The following GOLGA2 variants were observed in gnomAD, a reference collection of about 807,000 sequenced individuals.
GOLGA2 encodes the protein golgin A2, also known as golgin subfamily A member 2.
GOLGA2 carries 49 observed loss-of-function variants against 148.8 expected under a neutral mutation model. The observed-to-expected ratio is 0.33, with a 90% CI of 0.26 to 0.42. The LOEUF is 0.42. Ranked by LOEUF, GOLGA2 falls within the 10% of genes least tolerant of loss-of-function variation. GOLGA2 has a pLI of 1.00. For synonymous variants in GOLGA2, 501 were observed against 511.8 expected, an observed-to-expected ratio of 0.98 and a Z score of 0.28; for missense variants, 1,178 against 1,304.6, an observed-to-expected ratio of 0.90 and a Z score of 1.49.
intron 12 of GOLGA2, among the ~76,000 whole-genome samples, chr9:128,263,828 C>T (rs964106076): frequency 4.0e-5 from 6 of 151,842 alleles, no homozygotes; most frequent in African/African-American, 1.5e-4. Flanking sequence ...GTTGGGATTA[C>T]GGCACCCGGC....
Position 128,258,553 on chromosome 9 carries a change from C to T in GOLGA2, c.2191G>A (p.Glu731Lys), listed in dbSNP as rs530742610. 1.3e-6 allele frequency: 2 copies of T among 1,570,332 alleles called. No individual in the cohort carries two copies. The highest frequency in any genetic ancestry group is 2.3e-5 in the South Asian group (2 of 85,578). The change falls in exon 22 of 27, where the codon GAG becomes AAG. Residue 731 changes from glutamate to lysine, a missense_variant. Around this residue, in one of 5 missense-constraint regions of GOLGA2, gnomAD observed 529 missense variants for 521.8 expected, o/e 1.01. Coordinates refer to ENST00000611957, the MANE Select transcript of GOLGA2 (RefSeq NM_001366244.2). The surrounding 1 kb of genome is among the most constrained non-coding windows in gnomAD (Gnocchi z 6.6). ...HPGEGDGLDR[E>K]EEEDEEEEEE... ...TCCTCCTCCTCATCCTCCTCCTCCT[C>T]CCGGTCCAGTCCATCTCCTATGGGG...
Position 128,271,595 on chromosome 9 carries a change from C to T in GOLGA2, c.288+1190G>A, listed in dbSNP as rs527815088. Among the ~76,000 whole-genome samples the T allele has an allele frequency of 5.3e-5, 8 of 152,222 alleles. No individual in the cohort carries two copies. The highest frequency in any genetic ancestry group is 7.4e-5 in the Non-Finnish European group (5 of 68,006). On this transcript the variant is annotated intron_variant, in intron 3 of 26. Transcript: ENST00000611957. The surrounding 1 kb of genome is among the most constrained non-coding windows in gnomAD (Gnocchi z 4.4). ...GTTCACACTCTGGCCACGGCCTCAC[C>T]GCTCCCCCTGCCTCCCCCACTCCCC...
chr9:128,269,788 G>C (rs1830822074), intron 3 of GOLGA2, among the ~76,000 whole-genome samples: 1 of 152,216 alleles, frequency 6.6e-6, no homozygotes, highest in South Asian at 2.1e-4. Flanking sequence ...TCCAGGGAAA[G>C]GACTGCGCGC....
In GOLGA2 at chr9:128,257,411, C is replaced by A. The variant is rs1426560889; in HGVS notation, c.2833G>T (p.Ala945Ser). 1.6e-5 allele frequency: 25 copies of A among 1,612,894 alleles called. No homozygotes were observed. Among genetic ancestry groups the A allele is most frequent in the Non-Finnish European group, 2.1e-5 (25 of 1,179,998 alleles). ...QNPADEPTSG[A>S]PAPQELGAAN... ...GCCCCAAGTTCCTGGGGGGCTGGGG[C>A]CCCTGAAGTGGGCTCATCAGCAGGG... is the stretch of plus-strand genomic sequence containing the variant. Residue 945 changes from alanine (A) to serine (S), a missense_variant, in exon 26 of 27, where the codon GCC (alanine) becomes TCC (serine). Ala to Ser is a moderately conservative substitution (Grantham distance 99). Transcript: ENST00000611957. This position sits in a 1 kb window ranked among gnomAD's most constrained non-coding sequence, Gnocchi z 8.0.
chr9:128,269,867 G>A (rs1041037287), intron 3 of GOLGA2, among the ~76,000 whole-genome samples: 1 of 152,230 alleles, frequency 6.6e-6, no homozygotes, highest in Admixed American at 6.5e-5. Context: ...AAGTGCTGCA[G>A]AGGCTGGTGG....
At chr9:128,270,830 G>C (rs1564368872) in intron 3 of GOLGA2, among the ~76,000 whole-genome samples, 1 of 152,148 alleles carries the variant, frequency 6.6e-6, no homozygotes, top group African/African-American at 2.4e-5. Context: ...TGAATCACTT[G>C]AGGCCAGGAG....
In GOLGA2 at chr9:128,257,618, C is replaced by T. The variant is rs1330432521; in HGVS notation, c.2701G>A (p.Asp901Asn). The change falls in exon 25 of 27, where the codon GAC (aspartate) becomes AAC (asparagine). Residue 901 changes from aspartate (D) to asparagine (N), a missense_variant. Physicochemically the swap from Asp to Asn is conservative, Grantham distance 23. Coordinates refer to ENST00000611957, the MANE Select transcript of GOLGA2 (RefSeq NM_001366244.2). This position sits in a 1 kb window ranked among gnomAD's most constrained non-coding sequence, Gnocchi z 8.0. ...CACCCTACCTTCATCTCCTCCTTGT[C>T]TTGGGCCAGCCTGCTGATGTACTCC... ...KEEYISRLAQ[D>N]KEEMKVKLLE... 1 of 1,614,198 alleles carries T rather than the reference C, an allele frequency of 6.2e-7. No individual in the cohort carries two copies. The highest frequency in any genetic ancestry group is 2.2e-5 in the East Asian group (1 of 44,874).
chr9:128,270,917 G>A (rs1588491493), intron 3 of GOLGA2, among the ~76,000 whole-genome samples: 2 of 151,956 alleles, frequency 1.3e-5, no homozygotes, highest in African/African-American at 4.8e-5. Context: ...GCGTGATGGT[G>A]CAACATCTGT....
chr9:128,263,886 G>C lies in GOLGA2; in HGVS notation c.934-794C>G, dbSNP rs557798478. On this transcript the variant is annotated intron_variant, in intron 12 of 26. Transcript: ENST00000611957. ...AACTTGGTAAGGGTGGCCGGGTGCGGTGGCTCACGCCTGTAATCCTGGCAC... is the reference window on the plus strand; with the variant it reads ...AACTTGGTAAGGGTGGCCGGGTGCGCTGGCTCACGCCTGTAATCCTGGCAC... Among the ~76,000 whole-genome samples the C allele has an allele frequency of 2.1e-4, 32 of 151,342 alleles. No individual in the cohort carries two copies. In the South Asian group the frequency reaches 2.9e-3, roughly 14 times the overall value.
chr9:128,275,202 G>A (rs1338676591), intron 1 of GOLGA2, among the ~76,000 whole-genome samples: 2 of 152,166 alleles, frequency 1.3e-5, no homozygotes, highest in African/African-American at 4.8e-5. Context: ...TCCCTCCTAG[G>A]TCCCATAGTC....
Position 128,257,276 on chromosome 9 carries a change from A to T in GOLGA2, c.2881T>A (p.Cys961Ser), listed in dbSNP as rs190456038. The T allele has an allele frequency of 1.7e-5, 27 of 1,612,950 alleles. No individual in the cohort carries two copies. The highest frequency in any genetic ancestry group is 2.1e-5 in the Non-Finnish European group (25 of 1,179,738). ...ACACTGCCGGCGAGGCTCACCTCGC[A>T]AAGATCTTTGGAGAGAGAGAGGCAG... The part of the protein sequence containing the change: ...LGAANQQGDL[C>S]EVSLAGSVEP... The change falls in exon 27 of 27, where the codon TGC becomes AGC. Residue 961 changes from cysteine (C) to serine (S), a missense_variant. By Grantham distance (112) the Cys-to-Ser change is moderately radical. Transcript: ENST00000611957. The surrounding 1 kb of genome is among the most constrained non-coding windows in gnomAD (Gnocchi z 8.0).
intron 12 of GOLGA2, among the ~76,000 whole-genome samples, chr9:128,264,620 G>A (rs1375742844): frequency 6.6e-6 from 1 of 151,894 alleles, no homozygotes; most frequent in Non-Finnish European, 1.5e-5. Flanking sequence ...TAGACACAGG[G>A]TTTTGCTATG....
rs1003207027 is a variant in GOLGA2, at chr9:128,261,276, A to C, written c.1333-17T>G. 6.3e-7 allele frequency: 1 copy of C among 1,598,546 alleles called. No individual in the cohort carries two copies. Among genetic ancestry groups the C allele is most frequent in the African/African-American group, 1.3e-5 (1 of 74,450 alleles). On this transcript the variant is annotated splice_polypyrimidine_tract_variant and intron_variant, in intron 16 of 26. Transcript: ENST00000611957. The surrounding 1 kb of genome is among the most constrained non-coding windows in gnomAD (Gnocchi z 5.7). ...TGTGTGCACCTGCCCAAAGCACAGC[A>C]AGAAAGGGCCCTGGAGAGGGGCTGG...
At position 128,257,825 on chromosome 9, in the gene GOLGA2, C is replaced by G; in HGVS notation, c.2576G>C (p.Arg859Pro). The change falls in exon 24 of 27, where the codon CGC (arginine) becomes CCC (proline). Residue 859 changes from arginine to proline, a missense_variant. Transcript: ENST00000611957. This position sits in a 1 kb window ranked among gnomAD's most constrained non-coding sequence, Gnocchi z 8.0. ...LKERVEELEH[R>P]CIQLSGETDT... ...TGTCTCTCCAGAAAGCTGGATGCAG[C>G]GATGTTCCAGTTCCTCTACCCTCTC... 6.2e-7 allele frequency: 1 copy of G among 1,614,112 alleles called. No homozygotes were observed.
chr9:128,267,491 G>T lies in GOLGA2; in HGVS notation c.528C>A (p.Gly176=). Residue 176 remains glycine (G), a synonymous_variant, in exon 7 of 27, where the codon GGC becomes GGA. Transcript: ENST00000611957. The stretch of plus-strand genomic sequence containing the variant: ...CCTTCAGGTTAGCAGACGATGCAGG[G>T]CCCTCCCCATTGACACATGTCGCAG... ...CESATCVNGE[G]PASSANLKDL... is the part of the protein sequence containing the mutation. 2 of 1,613,358 alleles carry T rather than the reference G, an allele frequency of 1.2e-6. No homozygotes were observed. The highest frequency in any genetic ancestry group is 8.5e-7 in the Non-Finnish European group (1 of 1,179,330).
Position 128,266,710 on chromosome 9 carries a change from A to C in GOLGA2, c.643-385T>G, listed in dbSNP as rs1250380856. 8 of 369,796 alleles carry C rather than the reference A, an allele frequency of 2.2e-5. No homozygotes were observed. The highest frequency in any genetic ancestry group is 3.4e-5 in the Non-Finnish European group (7 of 203,546). 22.9% of individuals were successfully genotyped at this position (369,796 alleles called of 1,614,324 possible). A position where few individuals can be genotyped will look rare whatever the true frequency, so the allele number is the denominator to read the frequency against. On this transcript the variant is annotated intron_variant, in intron 8 of 26. Coordinates refer to ENST00000611957, the MANE Select transcript of GOLGA2 (RefSeq NM_001366244.2). The surrounding 1 kb of genome is among the most constrained non-coding windows in gnomAD (Gnocchi z 4.2). Reference sequence around the variant, plus strand: ...TAATAGCAGGGATACCAGACAGAAAAAGACAGACAGGAGCCCTTGGCCCTG... The same window carrying C: ...TAATAGCAGGGATACCAGACAGAAACAGACAGACAGGAGCCCTTGGCCCTG...
rs1830747585 is a variant in GOLGA2 at position 128,268,608 on chromosome 9, GGACAGGTGTTGCTGCAGTCAGAGT to G, written c.289-108_289-85del. ...TGAACACAAGGGTGTGGAACAGGTAGGACAGGTGTTGCTGCAGTCAGAGTGACAGTCACACATGCTAGGAGCCAC... is the reference window on the plus strand; with the variant it reads ...TGAACACAAGGGTGTGGAACAGGTAGGACAGTCACACATGCTAGGAGCCAC... On this transcript the variant is annotated intron_variant, in intron 3 of 26. Coordinates refer to ENST00000611957, the MANE Select transcript of GOLGA2 (RefSeq NM_001366244.2). 4.1e-6 allele frequency: 3 copies of G among 725,712 alleles called. No homozygotes were observed. The Admixed American group carries it at 6.1e-5, about 15-fold the overall frequency. 45.0% of individuals were successfully genotyped at this position (725,712 alleles called of 1,614,324 possible).
intron 4 of GOLGA2, 27 bp from the exon 5 acceptor site, chr9:128,268,187 G>C (rs1296468976): frequency 1.3e-6 from 2 of 1,599,432 alleles, no homozygotes; most frequent in African/African-American, 2.7e-5. Flanking sequence ...GTGTGAGATG[G>C]TCATTCAATT....
In GOLGA2 at chr9:128,275,961, G is replaced by T. The variant is rs570799803; in HGVS notation, c.16C>A (p.Arg6Ser). ...GACATCGCGGGGCGGGGAGGGAGGC[G>T]GGGTTGGGGCCACATCAGCGCGATC... The part of the protein sequence containing the change: MWPQP[R>S]LPPRPAMSEE... Residue 6 changes from arginine (R) to serine (S), a missense_variant, in exon 1 of 27, where the codon CGC (arginine) becomes AGC (serine). By Grantham distance (110) the Arg-to-Ser change is moderately radical. Coordinates refer to ENST00000611957, the MANE Select transcript of GOLGA2 (RefSeq NM_001366244.2). The T allele has an allele frequency of 6.3e-7, 1 of 1,594,952 alleles. No homozygotes were observed. The highest frequency in any genetic ancestry group is 8.5e-7 in the Non-Finnish European group (1 of 1,170,632).
Sources: allele counts gnomAD v4.1 joint callset (sites outside exome capture counted in the v4.1 genomes callset), GRCh38; gene constraint gnomAD v4.1.1; regional missense constraint gnomAD v4.1.1; non-coding constraint Gnocchi (gnomAD v3.1); transcripts MANE v1.5; gene names NCBI Gene and HGNC (gene_info 2026-07-23, HGNC 2026-07-21).